The following OPHN1 variants were observed in gnomAD, a reference collection of about 807,000 sequenced individuals.
OPHN1 encodes the protein oligophrenin 1, also known as oligophrenin-1.
A neutral mutation model predicts 60.7 loss-of-function variants in OPHN1; 11 were observed. That is an observed-to-expected ratio of 0.18 (90% CI 0.11 to 0.30). The LOEUF is 0.30. OPHN1 is among the 10% of genes least tolerant of loss of function. The probability of loss-of-function intolerance (pLI) is 1.00; values close to 1 mark genes in which losing one functional copy is unlikely to be tolerated. For missense variants in OPHN1, 449 were observed against 611.0 expected, an observed-to-expected ratio of 0.73 and a Z score of 2.80; for synonymous variants, 226 against 222.6, an observed-to-expected ratio of 1.02 and a Z score of -0.14.
Position 68,397,460 on chromosome X carries a change from C to CTT in OPHN1, c.154+35405_154+35406dup, listed in dbSNP as rs767285762. On this transcript the variant is annotated intron_variant, in intron 2 of 24. Coordinates refer to ENST00000355520, the MANE Select transcript of OPHN1 (RefSeq NM_002547.3). ...CCTGTTTCTGTTTGTCTTTTATGTTCTTTTTTTTTTTTTTTTTGGTCTGTT... is the reference window on the plus strand; with the variant it reads ...CCTGTTTCTGTTTGTCTTTTATGTTCTTTTTTTTTTTTTTTTTTTGGTCTGTT... Among the ~76,000 whole-genome samples, 114 of 50,012 alleles carry CTT rather than the reference C, an allele frequency of 2.3e-3. 1 individual carries two copies. The highest frequency in any genetic ancestry group is 7.0e-3 in the African/African-American group (103 of 14,635). The allele number at this position is 50,012 out of a possible 115,157, so 43.4% of individuals were successfully genotyped here.
intron 2 of OPHN1, among the ~76,000 whole-genome samples, chrX:68,377,590 C>T (rs943940940): frequency 9.3e-6 from 1 of 107,643 alleles, no homozygotes; most frequent in Non-Finnish European, 1.9e-5. Context: ...CTCCCCCCAC[C>T]CCACAACAGT....
chrX:68,271,114 A>C (rs2077966429), intron 5 of OPHN1, among the ~76,000 whole-genome samples: 1 of 111,904 alleles, frequency 8.9e-6, no homozygotes, highest in Non-Finnish European at 1.9e-5. Context: ...AAGTCCAATC[A>C]GGAGATAGAA....
At chrX:68,060,102 G>A (rs773740439) in intron 21 of OPHN1, among the ~76,000 whole-genome samples, 1 of 111,565 alleles carries the variant, frequency 9.0e-6, no homozygotes, top group East Asian at 2.8e-4. Context: ...CCAAAGGAAA[G>A]TCCTAAATCC....
At chrX:68,055,184 T>C (rs956014437) in intron 21 of OPHN1, among the ~76,000 whole-genome samples, 1 of 111,873 alleles carries the variant, frequency 8.9e-6, no homozygotes, top group Non-Finnish European at 1.9e-5. Context: ...TACTTCTAAG[T>C]GAGACAGAGT....
At chrX:68,253,280 T>C (rs1450496974) in intron 5 of OPHN1, among the ~76,000 whole-genome samples, 2 of 111,668 alleles carry the variant, frequency 1.8e-5, no homozygotes, top group African/African-American at 6.5e-5. Flanking sequence ...GTGCATCTGA[T>C]TCTTTCTGAA....
rs142426299 is a variant in OPHN1 at position 68,208,124 on chromosome X, T to C, written c.833-1451A>G. On this transcript the variant is annotated intron_variant, in intron 9 of 24. Coordinates refer to ENST00000355520, the MANE Select transcript of OPHN1 (RefSeq NM_002547.3). ...ATTCATTTTTGAGACAGAGTCTCAC[T>C]CTGTCACCCAGGCTGGAGTGTAATG... Among the ~76,000 whole-genome samples the C allele has an allele frequency of 4.2e-3, 460 of 109,102 alleles. 4 individuals carry two copies. The highest frequency in any genetic ancestry group is 0.015 in the African/African-American group (439 of 29,863). 94.7% of individuals were successfully genotyped at this position (109,102 alleles called of 115,157 possible).
At chrX:68,112,130 G>A (rs767384868) in intron 17 of OPHN1, among the ~76,000 whole-genome samples, 171 bp from the exon 18 acceptor site, 11 of 108,763 alleles carry the variant, frequency 1.0e-4, no homozygotes, top group African/African-American at 3.0e-4. Context: ...CACACACAGA[G>A]AGAGAGATAA....
chrX:68,299,236 AAAAG>A (rs767309183), intron 2 of OPHN1, 140 bp from the exon 3 acceptor site: 481 of 384,018 alleles, frequency 1.3e-3, no homozygotes, highest in Non-Finnish European at 2.0e-3. Context: ...GAAATAAAAC[AAAAG>A]ATTAGATATG....
chrX:68,230,477 T>C (rs2077722465), intron 6 of OPHN1, among the ~76,000 whole-genome samples: 2 of 110,533 alleles, frequency 1.8e-5, no homozygotes, highest in Admixed American at 1.9e-4. Context: ...ATGCTTATTG[T>C]GGCACTATTC....
chrX:68,332,744 A>G (rs1310868387), intron 2 of OPHN1, among the ~76,000 whole-genome samples: 1 of 110,403 alleles, frequency 9.1e-6, no homozygotes, highest in African/African-American at 3.3e-5. Context: ...CGATAGGGGG[A>G]AAATCTTTAT....
At chrX:68,114,694 G>C (rs2077120057) in intron 16 of OPHN1, among the ~76,000 whole-genome samples, 1 of 111,076 alleles carries the variant, frequency 9.0e-6, no homozygotes, top group South Asian at 3.9e-4. Flanking sequence ...CAGCCTGAGA[G>C]AGAGAAGGGT....
rs767507524 is a variant in OPHN1, at chrX:68,189,731, A to G, written c.1276+3188T>C. 4.5e-5 allele frequency among the ~76,000 whole-genome samples: 5 copies of G among 111,854 alleles called. No homozygotes were observed. The South Asian group carries it at 1.9e-3, about 41-fold the overall frequency. On this transcript the variant is annotated intron_variant, in intron 15 of 24. Coordinates refer to ENST00000355520, the MANE Select transcript of OPHN1 (RefSeq NM_002547.3). ...AGGCAAGGAATGTGACCAACCAACCAACAGCGTGATTGAAAATAACTATTG... is the reference window on the plus strand; with the variant it reads ...AGGCAAGGAATGTGACCAACCAACCGACAGCGTGATTGAAAATAACTATTG...
At chrX:68,301,635 C>T (rs1026846087) in intron 2 of OPHN1, among the ~76,000 whole-genome samples, 2 of 110,903 alleles carry the variant, frequency 1.8e-5, no homozygotes, top group African/African-American at 6.6e-5. Context: ...AAATGCTTGT[C>T]GTGTGTGACA....
chrX:68,145,019 A>T (rs1192979420), intron 15 of OPHN1, among the ~76,000 whole-genome samples: 1 of 111,614 alleles, frequency 9.0e-6, no homozygotes, highest in African/African-American at 3.3e-5. Context: ...CTAGGACAGT[A>T]CTGAGGAAAG....
At chrX:68,295,887 A>T (rs1396252986) in intron 3 of OPHN1, among the ~76,000 whole-genome samples, 1 of 112,111 alleles carries the variant, frequency 8.9e-6, no homozygotes, top group Non-Finnish European at 1.9e-5. Flanking sequence ...CCCTCTGCAC[A>T]TATAATGTGA....
At chrX:68,359,700 C>CA (rs1243238218) in intron 2 of OPHN1, among the ~76,000 whole-genome samples, 1 of 108,487 alleles carries the variant, frequency 9.2e-6, no homozygotes, top group African/African-American at 3.4e-5. Context: ...ACTAAAAATA[C>CA]AAAAAATTAG....
In OPHN1 at chrX:68,407,970, T is replaced by G. The variant is rs576248901; in HGVS notation, c.154+24897A>C. The stretch of plus-strand genomic sequence containing the variant: ...TTAATTTTCTGCATTCTTTTTGTTG[T>G]TGGTGGTGGTGTTGTTTAGAGACAA... On this transcript the variant is annotated intron_variant, in intron 2 of 24. Coordinates refer to ENST00000355520, the MANE Select transcript of OPHN1 (RefSeq NM_002547.3). Among the ~76,000 whole-genome samples the G allele has an allele frequency of 4.4e-5, 5 of 112,413 alleles. No homozygotes were observed. In the South Asian group the frequency reaches 1.5e-3, roughly 33 times the overall value.
intron 15 of OPHN1, among the ~76,000 whole-genome samples, chrX:68,187,491 A>G (rs1023595650): frequency 2.8e-5 from 3 of 107,735 alleles, no homozygotes; most frequent in African/African-American, 1.0e-4. Context: ...AAGGTAAGGG[A>G]ACAGACTGTC....
At chrX:68,070,616 CTCT>C (rs2076929959) in intron 20 of OPHN1, 6 of 702,360 alleles carry the variant, frequency 8.5e-6, no homozygotes. Flanking sequence ...TGATTTTATC[CTCT>C]GTGTTCCATT....
Sources: gnomAD v4.1 joint callset for allele counts (sites outside exome capture counted in the v4.1 genomes callset) on GRCh38, gnomAD v4.1.1 for gene constraint, MANE v1.5 for transcripts, NCBI Gene and HGNC (gene_info 2026-07-23, HGNC 2026-07-21) for gene names.